Variants in GAPVD1 observed in about 807,000 individuals in gnomAD.
The protein encoded by GAPVD1 is GTPase-activating protein and VPS9 domain-containing protein 1.
In GAPVD1, 35 loss-of-function variants were observed where a neutral mutation model predicts 155.5. That is an observed-to-expected ratio of 0.23 (90% CI 0.17 to 0.30). The LOEUF (loss-of-function observed/expected upper bound fraction) is 0.30, where lower values mean the gene tolerates loss of function less well. GAPVD1 is among the 10% of genes least tolerant of loss of function. The pLI, the probability that GAPVD1 is intolerant of heterozygous loss-of-function variation, is 1.00. For synonymous variants in GAPVD1, 636 were observed against 619.7 expected (o/e 1.03, Z -0.39); for missense variants, 1,429 against 1,775.7 (o/e 0.80, Z 3.51).
At position 125,364,872 on chromosome 9, in the gene GAPVD1, G is replaced by A. The variant is rs1297108291; in HGVS notation, c.*2126G>A. The A allele has an allele frequency of 6.6e-6, 1 of 152,626 alleles. No homozygotes were observed. Among genetic ancestry groups the A allele is most frequent in the Non-Finnish European group, 1.5e-5 (1 of 68,030 alleles). The allele number at this position is 152,626 out of a possible 1,614,324, so 9.5% of individuals were successfully genotyped here. On this transcript the variant is annotated 3_prime_UTR_variant, in exon 28 of 28. Transcript: ENST00000297933. The stretch of plus-strand genomic sequence containing the variant: ...TTGATTCAGTAAATGTTAAGCAGCA[G>A]AAGACTTCGAATGGTTGAAATTCAT...
chr9:125,313,207 A>G (rs1384711673), intron 9 of GAPVD1, among the ~76,000 whole-genome samples: 2 of 152,220 alleles, frequency 1.3e-5, no homozygotes, highest in East Asian at 1.9e-4. Flanking sequence ...CCGATCTCCA[A>G]ATACCATCAC....
intron 2 of GAPVD1, among the ~76,000 whole-genome samples, chr9:125,283,037 T>TTTAC (rs1163280334): frequency 7.2e-6 from 1 of 139,370 alleles, no homozygotes; most frequent in East Asian, 2.0e-4. Context: ...TTTTTATTTA[T>TTTAC]TTATTTATTT....
At chr9:125,331,272 C>T (rs151288382) in intron 13 of GAPVD1, among the ~76,000 whole-genome samples, 1,964 of 151,808 alleles carry the variant, frequency 0.013, 102 homozygotes, top group East Asian at 0.088. Context: ...GCAATCACGG[C>T]TCAGTGCAAT....
chr9:125,290,598 G>A (rs1311695768), intron 2 of GAPVD1, among the ~76,000 whole-genome samples: 1 of 152,214 alleles, frequency 6.6e-6, no homozygotes, highest in East Asian at 1.9e-4. Flanking sequence ...TTTGAGAAGA[G>A]GAAATGATAT....
intron 9 of GAPVD1, among the ~76,000 whole-genome samples, chr9:125,313,555 G>A (rs1251525104): frequency 1.3e-5 from 2 of 151,652 alleles, no homozygotes; most frequent in African/African-American, 4.8e-5. Flanking sequence ...CACCTGCCTC[G>A]GCCTTCCAAA....
chr9:125,263,615 T>C, intron 1 of GAPVD1: 2 of 1,374,822 alleles, frequency 1.5e-6, no homozygotes, highest in South Asian at 2.3e-5. Context: ...CACGACCAAA[T>C]CCGTCTCAAC....
At chr9:125,276,800 C>A (rs1835863657) in intron 2 of GAPVD1, among the ~76,000 whole-genome samples, 1 of 152,114 alleles carries the variant, frequency 6.6e-6, no homozygotes, top group African/African-American at 2.4e-5. Flanking sequence ...TCGCTCTTGC[C>A]TGAGATGAAG....
At chr9:125,298,857 A>G in intron 3 of GAPVD1, 33 bp from the exon 4 acceptor site, 1 of 940,416 alleles carries the variant, frequency 1.1e-6, no homozygotes, top group Non-Finnish European at 1.6e-6. Flanking sequence ...AGTGACATAC[A>G]TAAACTTTAA....
chr9:125,345,934 G>A (rs1848463101), intron 19 of GAPVD1: 1 of 152,024 alleles, frequency 6.6e-6, no homozygotes, highest in Admixed American at 6.5e-5. Flanking sequence ...ATAATTTTTA[G>A]AAAATGGGAT....
At chr9:125,263,525 G>GTTTTTTTTTTTTTTTTTTTTT (rs1481409870) in intron 1 of GAPVD1, 1 of 824,436 alleles carries the variant, frequency 1.2e-6, no homozygotes, top group African/African-American at 1.7e-5. Flanking sequence ...TAGAAGAACT[G>GTTTTTTTTTTTTTTTTTTTTT]TTGTTTTTTT....
intron 9 of GAPVD1, among the ~76,000 whole-genome samples, chr9:125,319,028 T>C (rs1288430771): frequency 6.6e-6 from 1 of 151,860 alleles, no homozygotes; most frequent in African/African-American, 2.4e-5. Flanking sequence ...ATACAAAAAT[T>C]AGCCGGGTGT....
chr9:125,339,654 C>G (rs1367776886), intron 17 of GAPVD1, among the ~76,000 whole-genome samples: 1 of 152,174 alleles, frequency 6.6e-6, no homozygotes, highest in Non-Finnish European at 1.5e-5. Flanking sequence ...TTTCATTTAT[C>G]TACCTTTCTC....
Position 125,337,573 on chromosome 9 carries a change from G to GGACT in GAPVD1, c.2860_2863dup (p.Ser955Ter). 1 of 1,613,766 alleles carries GGACT rather than the reference G, an allele frequency of 6.2e-7. No homozygotes were observed. Among genetic ancestry groups the GGACT allele is most frequent in the Non-Finnish European group, 8.5e-7 (1 of 1,179,876 alleles). ...ATTCATCATCTTCATCCCCGAGTAA[G>GGACT]GACTCCTCAAGAGGAGAGGTATGGG... On this transcript the variant is annotated frameshift_variant, in exon 17 of 28. Coordinates refer to ENST00000297933, the MANE Select transcript of GAPVD1 (RefSeq NM_001282680.3). LOFTEE classifies it high-confidence loss of function.
intron 9 of GAPVD1, among the ~76,000 whole-genome samples, chr9:125,319,862 TGGGGTTACA>T (rs1844033867): frequency 6.6e-6 from 1 of 152,164 alleles, no homozygotes; most frequent in Admixed American, 6.5e-5. Context: ...CCCAGAGTGC[TGGGGTTACA>T]GGCATGAGCC....
chr9:125,356,329 G>A (rs1850081617), intron 25 of GAPVD1, among the ~76,000 whole-genome samples: 1 of 152,100 alleles, frequency 6.6e-6, no homozygotes, highest in Non-Finnish European at 1.5e-5. Context: ...GGGCCAGATT[G>A]TTGATGATGT....
intron 10 of GAPVD1, 74 bp from the exon 11 acceptor site, chr9:125,323,724 T>G: frequency 7.0e-7 from 1 of 1,422,788 alleles, no homozygotes; most frequent in Non-Finnish European, 9.9e-7. Context: ...TAGTCTTTTA[T>G]CAAGGCATGA....
At position 125,337,476 on chromosome 9, in the gene GAPVD1, G is replaced by A. The variant is rs138389331; in HGVS notation, c.2762G>A (p.Arg921His). Residue 921 changes from arginine (R) to histidine (H), a missense_variant, in exon 17 of 28, where the codon CGT becomes CAT. Around this residue, in one of 4 missense-constraint regions of GAPVD1, gnomAD observed 699 missense variants for 826.0 expected, o/e 0.85. Coordinates refer to ENST00000297933, the MANE Select transcript of GAPVD1 (RefSeq NM_001282680.3). ...ATGAGTGACCCCAGCTGGAACCGGCGTCCAGGAAATGAAGAGCGAGAACTC... is the reference window on the plus strand; with the variant it reads ...ATGAGTGACCCCAGCTGGAACCGGCATCCAGGAAATGAAGAGCGAGAACTC... ...RPMSDPSWNR[R>H]PGNEERELPP... is the part of the protein sequence containing the mutation. The A allele has an allele frequency of 9.5e-5, 153 of 1,614,166 alleles. 1 individual carries two copies. The highest frequency in any genetic ancestry group is 1.6e-4 in the East Asian group (7 of 44,886).
chr9:125,332,005 G>A lies in GAPVD1; in HGVS notation c.2253G>A (p.Thr751=), dbSNP rs183996407. The part of the protein sequence containing the change: ...CSGLGSTSDD[T]DVREVSSRPS... The stretch of plus-strand genomic sequence containing the variant: ...GACTGGGTAGCACATCTGATGATAC[G>A]GATGTCAGGGAGGTCAGTTCCCGCC... Residue 751 remains threonine (T), a synonymous_variant, in exon 14 of 28, where the codon ACG becomes ACA. Coordinates refer to ENST00000297933, the MANE Select transcript of GAPVD1 (RefSeq NM_001282680.3). The A allele has an allele frequency of 2.1e-4, 342 of 1,612,856 alleles. 1 individual carries two copies. In the Admixed American group the frequency reaches 5.3e-3, roughly 25 times the overall value.
At position 125,337,042 on chromosome 9, in the gene GAPVD1, C is replaced by T; in HGVS notation, c.2453C>T (p.Pro818Leu). 6.2e-7 allele frequency: 1 copy of T among 1,612,584 alleles called. No homozygotes were observed. The highest frequency in any genetic ancestry group is 2.2e-5 in the East Asian group (1 of 44,874). ...GGTGCCCACCAGCTGACCTCTCCTC[C>T]TTCTCAGTCAGAGTCTCTGCTGGCC... Reference protein sequence around the residue: ...THGAHQLTSPPSQSESLLAMF... With the variant: ...THGAHQLTSPLSQSESLLAMF... The change falls in exon 16 of 28, where the codon CCT becomes CTT. Residue 818 changes from proline to leucine, a missense_variant. Coordinates refer to ENST00000297933, the MANE Select transcript of GAPVD1 (RefSeq NM_001282680.3).
Sources: allele counts gnomAD v4.1 joint callset (sites outside exome capture counted in the v4.1 genomes callset), GRCh38; gene constraint gnomAD v4.1.1; regional missense constraint gnomAD v4.1.1; transcripts MANE v1.5; gene names NCBI Gene and HGNC (gene_info 2026-07-23, HGNC 2026-07-21).